MOV10L1: variants seen among roughly 807,000 people sequenced by gnomAD.
MOV10L1 encodes the protein Mov10 like RNA helicase 1, also known as RNA helicase Mov10l1.
A neutral mutation model predicts 143.8 loss-of-function variants in MOV10L1; 110 were observed. The ratio of observed to expected loss-of-function variants is 0.76; its 90% confidence interval spans 0.66 to 0.90. The LOEUF (loss-of-function observed/expected upper bound fraction) is 0.90, where lower values mean the gene tolerates loss of function less well. Among genes scored for constraint, MOV10L1 ranks in the 40% least tolerant of loss-of-function variants. The pLI is 0.00. For missense variants in MOV10L1, 1,406 were observed against 1,526.8 expected, an observed-to-expected ratio of 0.92 and a Z score of 1.32; for synonymous variants, 593 against 581.1, an observed-to-expected ratio of 1.02 and a Z score of -0.29.
rs758753736 is a variant in MOV10L1 at position 50,144,188 on chromosome 22, A to G, written c.2450A>G (p.Lys817Arg). Residue 817 changes from lysine (K) to arginine (R), a missense_variant, in exon 18 of 27, where the codon AAG becomes AGG. By Grantham distance (26) the Lys-to-Arg change is conservative. Transcript: ENST00000262794. Reference sequence around the variant, plus strand: ...GTGTGTCTGCGGCTGCACGAGAGCAAGGTGCTACAGCCGGCCACCATGGTC... The same window carrying G: ...GTGTGTCTGCGGCTGCACGAGAGCAGGGTGCTACAGCCGGCCACCATGGTC... ...DLVCLRLHES[K>R]VLQPATMVRV... is the part of the protein sequence containing the mutation. 22 of 1,612,888 alleles carry G rather than the reference A, an allele frequency of 1.4e-5. No individual in the cohort carries two copies. The highest frequency in any genetic ancestry group is 1.8e-5 in the Non-Finnish European group (21 of 1,179,088).
At chr22:50,140,865 G>C (rs1414708381) in intron 15 of MOV10L1, among the ~76,000 whole-genome samples, 1 of 151,820 alleles carries the variant, frequency 6.6e-6, no homozygotes, top group Non-Finnish European at 1.5e-5. Flanking sequence ...TCAGATTATA[G>C]GTGTGAACCA....
chr22:50,111,746 G>A lies in MOV10L1; in HGVS notation c.744-1902G>A, dbSNP rs555842458. On this transcript the variant is annotated intron_variant, in intron 5 of 26. Coordinates refer to ENST00000262794, the MANE Select transcript of MOV10L1 (RefSeq NM_018995.3). ...TCTCAATCTCCTGACCTCATGATCC[G>A]CCCACCTCAGCCTCCCAAACTGCTG... Among the ~76,000 whole-genome samples, 149 of 151,770 alleles carry A rather than the reference G, an allele frequency of 9.8e-4. 1 individual carries two copies. The highest frequency in any genetic ancestry group is 1.0e-3 in the Non-Finnish European group (68 of 67,936).
rs138433636 is a variant in MOV10L1, at chr22:50,105,775, G to A, written c.443-2361G>A. Among the ~76,000 whole-genome samples the A allele has an allele frequency of 8.7e-4, 132 of 152,354 alleles. 2 individuals are homozygous for A. The highest frequency in any genetic ancestry group is 7.3e-3 in the Admixed American group (111 of 15,298). On this transcript the variant is annotated intron_variant, in intron 3 of 26. Coordinates refer to ENST00000262794, the MANE Select transcript of MOV10L1 (RefSeq NM_018995.3). ...TTGTAAAATCCAGGTTGGGGGAGCA[G>A]CAAAGAGAAAATGAGGGCTGCCAGC... is the stretch of plus-strand genomic sequence containing the variant.
intron 15 of MOV10L1, among the ~76,000 whole-genome samples, chr22:50,137,341 A>G (rs1395930375): frequency 1.3e-5 from 2 of 152,230 alleles, no homozygotes; most frequent in East Asian, 1.9e-4. Context: ...TTTATCTTCT[A>G]GGAATGAAAA....
At chr22:50,107,489 C>CTT (rs111842655) in intron 3 of MOV10L1, among the ~76,000 whole-genome samples, 1 of 147,772 alleles carries the variant, frequency 6.8e-6, no homozygotes, top group African/African-American at 2.5e-5. Flanking sequence ...CAATTATACA[C>CTT]TTTTTTTTTT....
chr22:50,090,682 G>C (rs1389001812), intron 1 of MOV10L1: 4 of 817,186 alleles, frequency 4.9e-6, no homozygotes, highest in Non-Finnish European at 7.9e-6. Context: ...GTGTTTGTGT[G>C]TGTGTGTGTG....
At chr22:50,151,250 C>T (rs1358600788) in intron 21 of MOV10L1, among the ~76,000 whole-genome samples, 1 of 152,242 alleles carries the variant, frequency 6.6e-6, no homozygotes, top group Non-Finnish European at 1.5e-5. Context: ...CAGGTCTGGG[C>T]TCTCAGCCAA....
chr22:50,098,492 G>A (rs915874887), intron 2 of MOV10L1, among the ~76,000 whole-genome samples: 1 of 152,098 alleles, frequency 6.6e-6, no homozygotes, highest in Non-Finnish European at 1.5e-5. Context: ...GTTATAAATG[G>A]AATTGTTTTC....
intron 9 of MOV10L1, among the ~76,000 whole-genome samples, chr22:50,118,971 G>T (rs1396055084): frequency 6.6e-6 from 1 of 152,180 alleles, no homozygotes; most frequent in Non-Finnish European, 1.5e-5. Flanking sequence ...CTGTAGGGAT[G>T]TAACCCAGAA....
intron 15 of MOV10L1, among the ~76,000 whole-genome samples, chr22:50,135,058 G>T (rs1347627416): frequency 7.1e-6 from 1 of 140,940 alleles, no homozygotes; most frequent in Non-Finnish European, 1.6e-5. Flanking sequence ...CTGTCACCCA[G>T]GCTGGAGTGC....
intron 15 of MOV10L1, among the ~76,000 whole-genome samples, chr22:50,140,170 G>A (rs1396721956): frequency 6.6e-6 from 1 of 152,220 alleles, no homozygotes; most frequent in Admixed American, 6.5e-5. Context: ...CTGTTGACAT[G>A]CAACAACACA....
chr22:50,146,336 G>A (rs1243704733), intron 19 of MOV10L1, among the ~76,000 whole-genome samples: 1 of 152,104 alleles, frequency 6.6e-6, no homozygotes, highest in Non-Finnish European at 1.5e-5. Context: ...GGGCTCTTCA[G>A]GGGAGACAGG....
chr22:50,108,177 C>T lies in MOV10L1; in HGVS notation c.484C>T (p.Arg162Trp), dbSNP rs758159949. ...CKGDWVEAEY[R>W]IRPGTWSSEA... Reference sequence around the variant, plus strand: ...GGGAGACTGGGTGGAGGCTGAGTACCGGATCCGGCCTGGCACGTGGAGCAG... The same window carrying T: ...GGGAGACTGGGTGGAGGCTGAGTACTGGATCCGGCCTGGCACGTGGAGCAG... The change falls in exon 4 of 27, where the codon CGG becomes TGG. Residue 162 changes from arginine (R) to tryptophan (W), a missense_variant. Physicochemically the swap from Arg to Trp is moderately radical, Grantham distance 101. Transcript: ENST00000262794. The T allele has an allele frequency of 1.4e-5, 22 of 1,614,056 alleles. No individual in the cohort carries two copies. Among genetic ancestry groups the T allele is most frequent in the Admixed American group, 3.3e-5 (2 of 60,012 alleles).
In MOV10L1 at chr22:50,144,229, T is replaced by C; in HGVS notation, c.2491T>C (p.Cys831Arg). 1 of 1,604,864 alleles carries C rather than the reference T, an allele frequency of 6.2e-7. No homozygotes were observed. The highest frequency in any genetic ancestry group is 1.1e-5 in the South Asian group (1 of 90,910). Reference sequence around the variant, plus strand: ...CACCATGGTCCGGGTGAACGCCACCTGCAGGTTCGAGGAGGTGAGCCCTTG... The same window carrying C: ...CACCATGGTCCGGGTGAACGCCACCCGCAGGTTCGAGGAGGTGAGCCCTTG... ...PATMVRVNAT[C>R]RFEEIVIDAV... Residue 831 changes from cysteine to arginine, a missense_variant, in exon 18 of 27, where the codon TGC becomes CGC. Physicochemically the swap from Cys to Arg is radical, Grantham distance 180 (BLOSUM62 -3). Transcript: ENST00000262794.
At chr22:50,110,792 G>A (rs575803193) in intron 5 of MOV10L1, among the ~76,000 whole-genome samples, 6 of 152,160 alleles carry the variant, frequency 3.9e-5, no homozygotes, top group East Asian at 1.9e-4. Context: ...TTAGCCAGGC[G>A]TGGCAGCGCA....
intron 15 of MOV10L1, among the ~76,000 whole-genome samples, 167 bp from the exon 16 acceptor site, chr22:50,141,914 C>T (rs945026246): frequency 6.6e-6 from 1 of 152,070 alleles, no homozygotes; most frequent in Non-Finnish European, 1.5e-5. Flanking sequence ...TTTATCTGAT[C>T]GTTTGTTTTT....
chr22:50,121,951 A>G (rs1569296177), intron 10 of MOV10L1, among the ~76,000 whole-genome samples: 1 of 152,200 alleles, frequency 6.6e-6, no homozygotes, highest in Non-Finnish European at 1.5e-5. Context: ...TGCAAAATAT[A>G]GCATTGGAAT....
chr22:50,134,314 A>AATTC (rs200866645), intron 14 of MOV10L1, among the ~76,000 whole-genome samples: 34,016 of 151,956 alleles, frequency 0.22, 4,129 homozygotes, highest in Admixed American at 0.35. Context: ...TCATAAATGT[A>AATTC]ATTTATGAAT....
rs1200937306 is a variant in MOV10L1 at position 50,105,240 on chromosome 22, A to G, written c.443-2896A>G. On this transcript the variant is annotated intron_variant, in intron 3 of 26. Coordinates refer to ENST00000262794, the MANE Select transcript of MOV10L1 (RefSeq NM_018995.3). The stretch of plus-strand genomic sequence containing the variant: ...ACTGTTCCAGCCCAGATGTTTTCAT[A>G]GGTACTGTCTTTTTGCATCAATTCA... 2.6e-5 allele frequency among the ~76,000 whole-genome samples: 4 copies of G among 152,212 alleles called. No individual in the cohort carries two copies. The South Asian group carries it at 6.2e-4, about 24-fold the overall frequency.
Sources: allele counts gnomAD v4.1 joint callset (sites outside exome capture counted in the v4.1 genomes callset), GRCh38; gene constraint gnomAD v4.1.1; transcripts MANE v1.5; gene names NCBI Gene and HGNC (gene_info 2026-07-23, HGNC 2026-07-21).